Variants in BMPER observed in about 807,000 individuals in gnomAD.
BMPER encodes BMP binding endothelial regulator, also known as BMP-binding endothelial regulator protein.
In BMPER, 45 loss-of-function variants were observed where a neutral mutation model predicts 87.3. That is an observed-to-expected ratio of 0.52 (90% CI 0.41 to 0.66). The LOEUF is 0.66. Ranked by LOEUF, BMPER falls within the 30% of genes least tolerant of loss-of-function variation. BMPER has a pLI of 0.00. For synonymous variants in BMPER, 326 were observed against 316.2 expected, an observed-to-expected ratio of 1.03 and a Z score of -0.33; for missense variants, 784 against 867.5, an observed-to-expected ratio of 0.90 and a Z score of 1.21.
At chr7:33,962,431 A>AT in intron 3 of BMPER, among the ~76,000 whole-genome samples, 1 of 152,336 alleles carries the variant, frequency 6.6e-6, no homozygotes, top group South Asian at 2.1e-4. Flanking sequence ...GATGGTTTAC[A>AT]TCAGGGTTTT....
At chr7:34,000,059 C>T (rs906274927) in intron 6 of BMPER, among the ~76,000 whole-genome samples, 1 of 152,082 alleles carries the variant, frequency 6.6e-6, no homozygotes, top group East Asian at 1.9e-4. Context: ...AAAAATGGCC[C>T]ATCTGTAATT....
chr7:34,091,547 T>C (rs775202150), intron 13 of BMPER, among the ~76,000 whole-genome samples: 6 of 152,234 alleles, frequency 3.9e-5, no homozygotes, highest in East Asian at 3.9e-4. Flanking sequence ...GTAGCACTTA[T>C]CACATTTCAG....
At chr7:33,920,966 C>G (rs1034486209) in intron 2 of BMPER, among the ~76,000 whole-genome samples, 13 of 152,306 alleles carry the variant, frequency 8.5e-5, no homozygotes, top group African/African-American at 3.1e-4. Flanking sequence ...ACACAATTAT[C>G]TTGCACATTA....
chr7:34,006,896 C>T (rs1786749267), intron 6 of BMPER, among the ~76,000 whole-genome samples: 1 of 152,080 alleles, frequency 6.6e-6, no homozygotes, highest in Admixed American at 6.6e-5. Context: ...GAGAACAGGA[C>T]AGAATGAAGG....
chr7:33,920,443 T>TTTTTTTTTA (rs1784197344), intron 2 of BMPER, among the ~76,000 whole-genome samples: 1 of 147,754 alleles, frequency 6.8e-6, no homozygotes, highest in Non-Finnish European at 1.5e-5. Flanking sequence ...TTTTTTTTTT[T>TTTTTTTTTA]GAGACAGAGT....
At chr7:33,973,074 T>G (rs1785588471) in intron 5 of BMPER, among the ~76,000 whole-genome samples, 1 of 152,226 alleles carries the variant, frequency 6.6e-6, no homozygotes, top group Non-Finnish European at 1.5e-5. Flanking sequence ...TAGGGCATTC[T>G]TGGTCGACTG....
intron 6 of BMPER, among the ~76,000 whole-genome samples, chr7:33,987,005 C>G (rs894456076): frequency 2.0e-5 from 3 of 152,094 alleles, no homozygotes; most frequent in African/African-American, 7.2e-5. Context: ...TTCCCTGTCC[C>G]TGGTCCTACT....
chr7:34,154,400 T>C lies in BMPER; in HGVS notation c.*1127T>C, dbSNP rs1791261861. On this transcript the variant is annotated 3_prime_UTR_variant, in exon 15 of 15. Transcript: ENST00000649409. ...TGATTGTCTTGACTTTCGTCTTCAG[T>C]TGAATTGGTGAAAACATCAACAAAA... The C allele has an allele frequency of 6.6e-6, 1 of 152,234 alleles. No individual in the cohort carries two copies. Among genetic ancestry groups the C allele is most frequent in the South Asian group, 2.1e-4 (1 of 4,834 alleles). 9.4% of individuals were successfully genotyped at this position (152,234 alleles called of 1,614,324 possible). A position where few individuals can be genotyped will look rare whatever the true frequency, so the allele number is the denominator to read the frequency against.
chr7:34,112,411 G>C (rs1022848781), intron 13 of BMPER, among the ~76,000 whole-genome samples: 1 of 143,844 alleles, frequency 7.0e-6, no homozygotes, highest in Non-Finnish European at 1.5e-5. Context: ...CAGGAGAACG[G>C]CGTGAACCTC....
intron 6 of BMPER, among the ~76,000 whole-genome samples, chr7:33,979,723 G>C (rs1785797327): frequency 6.6e-6 from 1 of 152,140 alleles, no homozygotes; most frequent in Non-Finnish European, 1.5e-5. Flanking sequence ...GCATCCCTTG[G>C]GGGTATTATC....
At chr7:33,990,085 A>C (rs1316174204) in intron 6 of BMPER, among the ~76,000 whole-genome samples, 1 of 151,422 alleles carries the variant, frequency 6.6e-6, no homozygotes, top group East Asian at 1.9e-4. Flanking sequence ...CTTAGGATTG[A>C]CTTGGCGATG....
rs1215006287 is a variant in BMPER, at chr7:34,078,961, T to C, written c.1183T>C (p.Ser395Pro). The C allele has an allele frequency of 6.2e-7, 1 of 1,614,036 alleles. No individual in the cohort carries two copies. The highest frequency in any genetic ancestry group is 8.5e-7 in the Non-Finnish European group (1 of 1,180,036). The change falls in exon 12 of 15, where the codon TCC becomes CCC. Residue 395 changes from serine (S) to proline (P), a missense_variant. Physicochemically the swap from Ser to Pro is moderately conservative, Grantham distance 74. Coordinates refer to ENST00000649409, the MANE Select transcript of BMPER (RefSeq NM_001365308.1). ...TCQYVLTKDCSSPASPFQVLV... is the reference protein window; with the variant it reads ...TCQYVLTKDCPSPASPFQVLV... Reference sequence around the variant, plus strand: ...TCAGTACGTTTTGACAAAAGACTGCTCCTCCCCTGCCTCGCCCTTCCAGGT... The same window carrying C: ...TCAGTACGTTTTGACAAAAGACTGCCCCTCCCCTGCCTCGCCCTTCCAGGT...
chr7:34,038,137 C>T (rs1050409380), intron 6 of BMPER, among the ~76,000 whole-genome samples: 1 of 152,184 alleles, frequency 6.6e-6, no homozygotes, highest in Non-Finnish European at 1.5e-5. Context: ...GCACAAGAGA[C>T]TTTGCAGATA....
intron 13 of BMPER, among the ~76,000 whole-genome samples, chr7:34,100,420 A>C (rs1398808048): frequency 6.6e-6 from 1 of 152,152 alleles, no homozygotes; most frequent in Non-Finnish European, 1.5e-5. Flanking sequence ...CAGTTGGCCC[A>C]GAGGCAGGAG....
intron 2 of BMPER, 146 bp from the exon 3 acceptor site, chr7:33,937,143 G>T: frequency 1.2e-6 from 1 of 801,292 alleles, no homozygotes. Context: ...TTTCAGAGAT[G>T]GCAAAATCCT....
intron 12 of BMPER, among the ~76,000 whole-genome samples, chr7:34,081,424 T>C (rs1421661145): frequency 6.6e-6 from 1 of 152,244 alleles, no homozygotes; most frequent in Admixed American, 6.5e-5. Context: ...GAATGACTCT[T>C]TGACCCTGCG....
At position 33,937,293 on chromosome 7, in the gene BMPER, A is replaced by G. The variant is rs1317021644; in HGVS notation, c.224A>G (p.Lys75Arg). The G allele has an allele frequency of 7.4e-6, 12 of 1,613,892 alleles. No individual in the cohort carries two copies. Among genetic ancestry groups the G allele is most frequent in the Non-Finnish European group, 1.0e-5 (12 of 1,179,884 alleles). The change falls in exon 3 of 15, where the codon AAG becomes AGG. Residue 75 changes from lysine to arginine, a missense_variant. Transcript: ENST00000649409. ...NPCIMCVCLN[K>R]EVTCKREKCP... is the part of the protein sequence containing the mutation. ...CTCGTGTCTCTTTTTGTCTAGAACA[A>G]GGAAGTGACATGTAAGAGAGAGAAG...
At chr7:34,036,906 G>C (rs1441517606) in intron 6 of BMPER, among the ~76,000 whole-genome samples, 1 of 152,086 alleles carries the variant, frequency 6.6e-6, no homozygotes, top group Non-Finnish European at 1.5e-5. Flanking sequence ...ACAAACACAT[G>C]AACAAACAAA....
At chr7:33,975,901 G>GACGAA (rs1413523561) in intron 6 of BMPER, among the ~76,000 whole-genome samples, 4 of 152,086 alleles carry the variant, frequency 2.6e-5, no homozygotes, top group Non-Finnish European at 5.9e-5. Flanking sequence ...GAGGAAATAT[G>GACGAA]ACGAAATGTG....
Sources: gnomAD v4.1 joint callset for allele counts (sites outside exome capture counted in the v4.1 genomes callset) on GRCh38, gnomAD v4.1.1 for gene constraint, MANE v1.5 for transcripts, NCBI Gene and HGNC (gene_info 2026-07-23, HGNC 2026-07-21) for gene names.